The following AP4E1 variants were observed in gnomAD, a reference collection of about 807,000 sequenced individuals.
AP4E1 encodes adaptor related protein complex 4 subunit epsilon 1.
AP4E1 carries 56 observed loss-of-function variants against 128.2 expected under a neutral mutation model. The observed-to-expected ratio is 0.44, with a 90% CI of 0.35 to 0.55. The LOEUF is 0.55. Among genes scored for constraint, AP4E1 ranks in the 20% least tolerant of loss-of-function variants. The pLI is 0.00. For synonymous variants in AP4E1, 484 were observed against 473.1 expected, an observed-to-expected ratio of 1.02 and a Z score of -0.30; for missense variants, 1,324 against 1,307.7, an observed-to-expected ratio of 1.01 and a Z score of -0.19.
Position 50,958,733 on chromosome 15 carries a change from A to T in AP4E1, c.1790A>T (p.His597Leu). 1 of 1,614,192 alleles carries T rather than the reference A, an allele frequency of 6.2e-7. No individual in the cohort carries two copies. Among genetic ancestry groups the T allele is most frequent in the Non-Finnish European group, 8.5e-7 (1 of 1,180,008 alleles). Residue 597 changes from histidine (H) to leucine (L), a missense_variant, in exon 14 of 21, where the codon CAT becomes CTT. His to Leu is a moderately conservative substitution (Grantham distance 99, BLOSUM62 -3). Transcript: ENST00000261842. Reference protein sequence around the residue: ...RQHAFELKHLHENVELMKSLL... With the variant: ...RQHAFELKHLLENVELMKSLL... ...CATGCATTTGAATTAAAACATTTGC[A>T]TGAGAATGTGGAACTTATGAAGAGC...
In AP4E1 at chr15:50,993,419, G is replaced by T. The variant is rs768922517; in HGVS notation, c.2140G>T (p.Gly714Cys). The T allele has an allele frequency of 1.2e-6, 2 of 1,613,950 alleles. No individual in the cohort carries two copies. Among genetic ancestry groups the T allele is most frequent in the Non-Finnish European group, 1.7e-6 (2 of 1,179,940 alleles). ...TATAAAGAAATTGTGGGGGAAAGAAGGCTATCTTCCCAAGAAGGAAAGCAA... is the reference window on the plus strand; with the variant it reads ...TATAAAGAAATTGTGGGGGAAAGAATGCTATCTTCCCAAGAAGGAAAGCAA... Reference protein sequence around the residue: ...EGIKKLWGKEGYLPKKESKTG... With the variant: ...EGIKKLWGKECYLPKKESKTG... The change falls in exon 17 of 21, where the codon GGC (glycine) becomes TGC (cysteine). Residue 714 changes from glycine (G) to cysteine (C), a missense_variant. Gly to Cys is a radical substitution (Grantham distance 159, BLOSUM62 -3). Coordinates refer to ENST00000261842, the MANE Select transcript of AP4E1 (RefSeq NM_007347.5).
chr15:50,928,996 T>C lies in AP4E1; in HGVS notation c.543-13T>C. On this transcript the variant is annotated splice_polypyrimidine_tract_variant and intron_variant, in intron 5 of 20. Coordinates refer to ENST00000261842, the MANE Select transcript of AP4E1 (RefSeq NM_007347.5). ...TCAGATTGTCTTGTTTAAATTTCAT[T>C]TTTTGTCTTCAGGGAGATTGTACGA... 6.2e-7 allele frequency: 1 copy of C among 1,613,482 alleles called. No individual in the cohort carries two copies. Among genetic ancestry groups the C allele is most frequent in the Non-Finnish European group, 8.5e-7 (1 of 1,179,648 alleles).
chr15:50,939,225 C>G (rs1194657793), intron 8 of AP4E1, among the ~76,000 whole-genome samples: 1 of 152,030 alleles, frequency 6.6e-6, no homozygotes, highest in African/African-American at 2.4e-5. Flanking sequence ...GTAATCCCAG[C>G]ACTTTGGGAG....
intron 13 of AP4E1, among the ~76,000 whole-genome samples, chr15:50,955,743 G>T (rs532412531): frequency 1.2e-4 from 19 of 152,280 alleles, no homozygotes; most frequent in African/African-American, 4.6e-4. Flanking sequence ...GACACTGCAG[G>T]GGAGTAGGCC....
At chr15:50,908,532 G>A, upstream of AP4E1, 3 of 431,884 alleles carry the variant, frequency 6.9e-6, no homozygotes, top group Non-Finnish European at 1.2e-5. Context: ...ACCCCGTCGC[G>A]AGAAAGGAGG....
Position 50,984,136 on chromosome 15 carries a change from G to T in AP4E1, c.2081G>T (p.Gly694Val), listed in dbSNP as rs1306823766. ...GTATCTGGGAATAGTGCTGAGACAG[G>T]ACTGAAAGAGTAAGTTCATTTCTTA... ...SDVSGNSAET[G>V]LKETNSLKLE... The change falls in exon 16 of 21, where the codon GGA becomes GTA. Residue 694 changes from glycine to valine, a missense_variant. Coordinates refer to ENST00000261842, the MANE Select transcript of AP4E1 (RefSeq NM_007347.5). The T allele has an allele frequency of 6.2e-7, 1 of 1,613,128 alleles. No individual in the cohort carries two copies. The highest frequency in any genetic ancestry group is 1.1e-5 in the South Asian group (1 of 91,060).
chr15:50,997,978 A>G, intron 18 of AP4E1, 95 bp downstream of exon 18: 1 of 952,342 alleles, frequency 1.1e-6, no homozygotes. Flanking sequence ...TTTGTCATAA[A>G]CACTAAAACG....
Position 50,941,653 on chromosome 15 carries a change from T to C in AP4E1, c.1067-13T>C. On this transcript the variant is annotated splice_polypyrimidine_tract_variant and intron_variant, in intron 9 of 20. Transcript: ENST00000261842. ...GTTTCAATTCACTTTGTATAATGTG[T>C]CTTTGTTTCTAGGACTGAAGGCTCT... 6.2e-7 allele frequency: 1 copy of C among 1,612,386 alleles called. No homozygotes were observed. The highest frequency in any genetic ancestry group is 8.5e-7 in the Non-Finnish European group (1 of 1,178,640).
At position 51,002,830 on chromosome 15, in the gene AP4E1, G is replaced by A; in HGVS notation, c.*168G>A. ...CTGGTCAAGAAAGATCCCCAAAACTGTATCCCTAACCTTTAACTCAGGATT... is the reference window on the plus strand; with the variant it reads ...CTGGTCAAGAAAGATCCCCAAAACTATATCCCTAACCTTTAACTCAGGATT... On this transcript the variant is annotated 3_prime_UTR_variant, in exon 21 of 21. Coordinates refer to ENST00000261842, the MANE Select transcript of AP4E1 (RefSeq NM_007347.5). 1.2e-6 allele frequency: 1 copy of A among 846,362 alleles called. No homozygotes were observed. Among genetic ancestry groups the A allele is most frequent in the Non-Finnish European group, 1.8e-6 (1 of 541,886 alleles). 52.4% of individuals were successfully genotyped at this position (846,362 alleles called of 1,614,324 possible).
intron 15 of AP4E1, among the ~76,000 whole-genome samples, chr15:50,974,239 T>TA (rs2140902107): frequency 6.6e-6 from 1 of 151,302 alleles, no homozygotes; most frequent in South Asian, 2.1e-4. Context: ...GTGCTGGGAT[T>TA]ACAGGTATGA....
At chr15:50,993,049 A>G (rs775360413) in intron 16 of AP4E1, among the ~76,000 whole-genome samples, 8 of 152,202 alleles carry the variant, frequency 5.3e-5, no homozygotes, top group Admixed American at 3.9e-4. Flanking sequence ...TTGAAAAGTC[A>G]GTGGAGGAAA....
intron 1 of AP4E1, among the ~76,000 whole-genome samples, chr15:50,910,571 A>T (rs972320046): frequency 8.5e-5 from 13 of 152,254 alleles, no homozygotes; most frequent in African/African-American, 3.1e-4. Context: ...GTTTAAAAAA[A>T]ATATTTTTTT....
intron 2 of AP4E1, 101 bp from the exon 3 acceptor site, chr15:50,915,347 C>A: frequency 8.2e-7 from 1 of 1,224,372 alleles, no homozygotes; most frequent in Non-Finnish European, 1.2e-6. Flanking sequence ...ATTTCTTCAG[C>A]ACCAGGATTA....
Position 50,993,603 on chromosome 15 carries a change from G to A in AP4E1, c.2324G>A (p.Gly775Glu). 2 of 1,613,966 alleles carry A rather than the reference G, an allele frequency of 1.2e-6. No individual in the cohort carries two copies. The highest frequency in any genetic ancestry group is 1.7e-6 in the Non-Finnish European group (2 of 1,179,888). Residue 775 changes from glycine (G) to glutamate (E), a missense_variant, in exon 17 of 21, where the codon GGA becomes GAA. By Grantham distance (98) the Gly-to-Glu change is moderately conservative (BLOSUM62 -2). Transcript: ENST00000261842. ...GCATCATCATTATTTGTTGGTCTAG[G>A]ATCAGAAAGTACAATCAACCTGGTA... is the stretch of plus-strand genomic sequence containing the variant. ...LLASSLFVGL[G>E]SESTINLLGK...
intron 15 of AP4E1, among the ~76,000 whole-genome samples, chr15:50,969,885 T>A (rs1414501727): frequency 2.0e-5 from 3 of 152,160 alleles, no homozygotes; most frequent in Non-Finnish European, 2.9e-5. Context: ...GGTCTCGATC[T>A]CCTGACCTCG....
At chr15:50,969,707 T>G (rs998543400) in intron 15 of AP4E1, among the ~76,000 whole-genome samples, 2 of 151,162 alleles carry the variant, frequency 1.3e-5, no homozygotes, top group Non-Finnish European at 3.0e-5. Context: ...CACCCAGGCT[T>G]GAGTGCAGTG....
At chr15:50,912,220 C>T in intron 2 of AP4E1, 71 bp downstream of exon 2, 1 of 1,306,878 alleles carries the variant, frequency 7.7e-7, no homozygotes, top group South Asian at 1.2e-5. Context: ...ATAGTGGCAT[C>T]TAACTGATGA....
Position 51,002,604 on chromosome 15 carries a change from G to T in AP4E1, c.3356G>T (p.Cys1119Phe), listed in dbSNP as rs755246376. 5.0e-6 allele frequency: 8 copies of T among 1,614,018 alleles called. No homozygotes were observed. In the Admixed American group the frequency reaches 1.2e-4, roughly 24 times the overall value. The change falls in exon 21 of 21, where the codon TGT becomes TTT. Residue 1119 changes from cysteine to phenylalanine, a missense_variant. Physicochemically the swap from Cys to Phe is radical, Grantham distance 205. Transcript: ENST00000261842. ...TTAGCCCTGTGGTTCAGATCCTCCT[G>T]TTCTACTCTTCCTGACTATTTACTG... is the stretch of plus-strand genomic sequence containing the variant. ...DVLALWFRSS[C>F]STLPDYLLYQ...
At chr15:50,920,121 T>C (rs1221425569) in intron 3 of AP4E1, among the ~76,000 whole-genome samples, 1 of 145,242 alleles carries the variant, frequency 6.9e-6, no homozygotes, top group Non-Finnish European at 1.5e-5. Context: ...TTTTTTTTTT[T>C]TTTTTTTTTT....
Sources: allele counts gnomAD v4.1 joint callset (sites outside exome capture counted in the v4.1 genomes callset), GRCh38; gene constraint gnomAD v4.1.1; transcripts MANE v1.5; gene names NCBI Gene and HGNC (gene_info 2026-07-23, HGNC 2026-07-21).